Variants in NUP62CL observed in about 807,000 individuals in gnomAD.
NUP62CL encodes nucleoporin-62 C-terminal-like protein.
A neutral mutation model predicts 15.3 loss-of-function variants in NUP62CL; 13 were observed. The ratio of observed to expected loss-of-function variants is 0.85; its 90% CI spans 0.55 to 1.35. The LOEUF is 1.35. Among genes scored for constraint, NUP62CL ranks in the 40% most tolerant of loss-of-function variants. The probability of loss-of-function intolerance (pLI) is 0.00; values close to 1 mark genes in which losing one functional copy is unlikely to be tolerated. For synonymous variants in NUP62CL, 54 were observed against 49.2 expected (o/e 1.10, Z -0.41); for missense variants, 123 against 130.6 (o/e 0.94, Z 0.28).
chrX:107,177,068 C>T lies in NUP62CL; in HGVS notation c.-47-1875G>A, dbSNP rs573444157. Among the ~76,000 whole-genome samples the T allele has an allele frequency of 2.1e-4, 23 of 110,982 alleles. No individual in the cohort carries two copies. The South Asian group carries it at 8.3e-3, about 40-fold the overall frequency. On this transcript the variant is annotated intron_variant, in intron 2 of 8. Coordinates refer to ENST00000372466, the MANE Select transcript of NUP62CL (RefSeq NM_017681.3). ...GACATGATCACGAATACAGAAAATT[C>T]TAAGAAATAAAAAAAATCTACTAGA...
At chrX:107,138,069 G>A (rs1243686608) in intron 8 of NUP62CL, among the ~76,000 whole-genome samples, 2 of 111,269 alleles carry the variant, frequency 1.8e-5, no homozygotes, top group Non-Finnish European at 3.8e-5. Context: ...ATTTAATTGA[G>A]GAAGGATACT....
At chrX:107,194,543 G>C (rs1927315430) in intron 1 of NUP62CL, among the ~76,000 whole-genome samples, 2 of 111,230 alleles carry the variant, frequency 1.8e-5, no homozygotes, top group African/African-American at 6.5e-5. Flanking sequence ...CAGTAGCTCT[G>C]AAAGGCAATT....
chrX:107,151,826 C>T (rs1324652617), intron 7 of NUP62CL, among the ~76,000 whole-genome samples: 2 of 105,267 alleles, frequency 1.9e-5, no homozygotes, highest in Admixed American at 2.1e-4. Flanking sequence ...GTCAGGAGTT[C>T]GAGACCAGCC....
intron 7 of NUP62CL, among the ~76,000 whole-genome samples, chrX:107,152,767 A>T (rs904050785): frequency 2.7e-5 from 3 of 112,149 alleles, no homozygotes; most frequent in Non-Finnish European, 3.8e-5. Context: ...ATTTATCACT[A>T]AAGCAATTGC....
chrX:107,152,049 GAT>G (rs778670339), intron 7 of NUP62CL, among the ~76,000 whole-genome samples: 2,754 of 41,122 alleles, frequency 0.067, 330 homozygotes, highest in African/African-American at 0.31. Flanking sequence ...TATATATTCA[GAT>G]ATATATATAT....
chrX:107,165,612 A>C (rs1926499541), intron 4 of NUP62CL, among the ~76,000 whole-genome samples: 1 of 111,486 alleles, frequency 9.0e-6, no homozygotes, highest in Admixed American at 9.5e-5. Context: ...AAAATGTACC[A>C]AAAAATTATA....
intron 2 of NUP62CL, among the ~76,000 whole-genome samples, chrX:107,179,935 AT>A (rs773539678): frequency 9.4e-6 from 1 of 106,048 alleles, no homozygotes; most frequent in East Asian, 3.0e-4. Flanking sequence ...TTCAGTTTTT[AT>A]TTTATTTTTA....
In NUP62CL at chrX:107,152,099, G is replaced by GATATATAT. The variant is rs746505025; in HGVS notation, c.530+1065_530+1072dup. Among the ~76,000 whole-genome samples the GATATATAT allele has an allele frequency of 3.3e-4, 13 of 38,833 alleles. 1 individual carries two copies. The highest frequency in any genetic ancestry group is 2.1e-3 in the African/African-American group (13 of 6,284). The allele number at this position is 38,833 out of a possible 115,157, so 33.7% of individuals were successfully genotyped here. A position where few individuals can be genotyped will look rare whatever the true frequency, so the allele number is the denominator to read the frequency against. ...ATTCAGATATATATATATATATTCA[G>GATATATAT]ATATATATATATATTCAGATATATA... is the stretch of plus-strand genomic sequence containing the variant. On this transcript the variant is annotated intron_variant, in intron 7 of 8. Transcript: ENST00000372466.
In NUP62CL at chrX:107,194,785, T is replaced by G. The variant is rs368873318; in HGVS notation, c.-91-1713A>C. 2.7e-3 allele frequency among the ~76,000 whole-genome samples: 285 copies of G among 107,425 alleles called. 2 individuals are homozygous for G. The highest frequency in any genetic ancestry group is 9.1e-3 in the African/African-American group (269 of 29,492). 93.3% of individuals were successfully genotyped at this position (107,425 alleles called of 115,157 possible). ...GTTAATGTATCTCAAAAATTCACAT[T>G]GAGTCCAATTTTCTTTTCTTTCTCT... On this transcript the variant is annotated intron_variant, in intron 1 of 8. Coordinates refer to ENST00000372466, the MANE Select transcript of NUP62CL (RefSeq NM_017681.3).
chrX:107,129,836 A>C (rs1229029341), intron 8 of NUP62CL, among the ~76,000 whole-genome samples: 1 of 112,295 alleles, frequency 8.9e-6, no homozygotes, highest in South Asian at 3.7e-4. Context: ...AGAATAAAAC[A>C]TACATTTAAA....
intron 1 of NUP62CL, among the ~76,000 whole-genome samples, chrX:107,201,576 T>TA (rs1387451090): frequency 1.9e-5 from 2 of 103,461 alleles, no homozygotes; most frequent in Non-Finnish European, 4.0e-5. Flanking sequence ...TATATAGCAA[T>TA]AAAAAATAAC....
At chrX:107,169,145 A>C (rs895614496) in intron 3 of NUP62CL, among the ~76,000 whole-genome samples, 9 of 111,763 alleles carry the variant, frequency 8.1e-5, no homozygotes, top group African/African-American at 2.9e-4. Flanking sequence ...AGATACTGGG[A>C]AATATTTCCA....
At chrX:107,133,846 G>A (rs1180624105) in intron 8 of NUP62CL, among the ~76,000 whole-genome samples, 1 of 112,132 alleles carries the variant, frequency 8.9e-6, no homozygotes, top group Non-Finnish European at 1.9e-5. Flanking sequence ...GCTGGGGTGG[G>A]AGAATTGCTT....
intron 1 of NUP62CL, among the ~76,000 whole-genome samples, chrX:107,203,461 G>C (rs1927535253): frequency 9.1e-6 from 1 of 109,307 alleles, no homozygotes; most frequent in South Asian, 4.0e-4. Context: ...ACCCAGGCTG[G>C]TCTTGAACTC....
intron 4 of NUP62CL, among the ~76,000 whole-genome samples, chrX:107,166,675 A>C (rs746474361): frequency 4.0e-4 from 45 of 112,050 alleles, no homozygotes; most frequent in Non-Finnish European, 7.1e-4. Flanking sequence ...CTATATGTCC[A>C]TCAACAGGTG....
intron 8 of NUP62CL, among the ~76,000 whole-genome samples, chrX:107,144,039 C>CT (rs765876623): frequency 6.3e-5 from 7 of 111,542 alleles, no homozygotes; most frequent in Non-Finnish European, 1.1e-4. Flanking sequence ...TCATGGCCTC[C>CT]TTTGTCTCAG....
intron 7 of NUP62CL, among the ~76,000 whole-genome samples, chrX:107,152,794 G>T (rs755886307): frequency 8.9e-6 from 1 of 111,921 alleles, no homozygotes; most frequent in East Asian, 2.8e-4. Flanking sequence ...ATTAGTTTTA[G>T]CAGAATCAAC....
chrX:107,143,491 A>G (rs897161878), intron 8 of NUP62CL, among the ~76,000 whole-genome samples: 3 of 110,920 alleles, frequency 2.7e-5, no homozygotes, highest in Non-Finnish European at 5.7e-5. Flanking sequence ...CTGGGATTGC[A>G]GGTATGAGAG....
chrX:107,174,689 C>T (rs1307153896), intron 3 of NUP62CL, among the ~76,000 whole-genome samples: 3 of 111,266 alleles, frequency 2.7e-5, no homozygotes, highest in East Asian at 5.6e-4. Context: ...CAAACCAGGT[C>T]GGTATCAGAA....
Sources: allele counts gnomAD v4.1 joint callset (sites outside exome capture counted in the v4.1 genomes callset), GRCh38; gene constraint gnomAD v4.1.1; transcripts MANE v1.5; gene names NCBI Gene and HGNC (gene_info 2026-07-23, HGNC 2026-07-21).